Variants in LOC728743 observed in about 807,000 individuals in gnomAD.
the LOC728743 span, chr7:150,400,819 T>C: frequency 6.6e-6 from 1 of 152,266 alleles, no homozygotes; most frequent in East Asian, 1.9e-4. Flanking sequence ...TGTCATTAAG[T>C]CCAAGACAAG....
chr7:150,410,331 G>T, the LOC728743 span: 1 of 396,086 alleles, frequency 2.5e-6, no homozygotes, highest in Non-Finnish European at 4.4e-6. Context: ...GGAGGTGACT[G>T]GTTGGAGCCT....
the LOC728743 span, among the ~76,000 whole-genome samples, chr7:150,409,994 C>T: frequency 1.3e-5 from 2 of 152,150 alleles, no homozygotes; most frequent in Non-Finnish European, 2.9e-5. Flanking sequence ...AAATGGGATT[C>T]GTAATCCTTG....
At chr7:150,401,172 G>A in the LOC728743 span, among the ~76,000 whole-genome samples, 1 of 152,226 alleles carries the variant, frequency 6.6e-6, no homozygotes, top group South Asian at 2.1e-4. Context: ...CATCATCCTT[G>A]TATTTCTTTG....
the LOC728743 span, among the ~76,000 whole-genome samples, chr7:150,401,886 A>G: frequency 6.6e-6 from 1 of 152,228 alleles, no homozygotes; most frequent in South Asian, 2.1e-4. Flanking sequence ...CAGGGATGAT[A>G]GGATGACACT....
the LOC728743 span, chr7:150,408,431 C>T: frequency 2.8e-6 from 1 of 351,418 alleles, no homozygotes; most frequent in Non-Finnish European, 5.1e-6. Flanking sequence ...TGGCTGCGCA[C>T]AGCTGCTTCC....
the LOC728743 span, chr7:150,404,935 C>A: frequency 6.6e-6 from 1 of 152,380 alleles, no homozygotes; most frequent in African/African-American, 2.4e-5. Context: ...CCCATGTCAC[C>A]CGGGGAAAGG....
chr7:150,403,154 A>G, the LOC728743 span, among the ~76,000 whole-genome samples: 2 of 152,034 alleles, frequency 1.3e-5, no homozygotes, highest in Non-Finnish European at 2.9e-5. This position sits in a 1 kb window ranked among gnomAD's most constrained non-coding sequence, Gnocchi z 5.1. Flanking sequence ...TGCTTGCCGC[A>G]GCACCTAAGA....
the LOC728743 span, among the ~76,000 whole-genome samples, chr7:150,406,279 C>T: frequency 6.6e-6 from 1 of 152,246 alleles, no homozygotes; most frequent in East Asian, 1.9e-4. Flanking sequence ...CAGCCGGCTT[C>T]CCTGATGGGG....
chr7:150,405,394 G>C, the LOC728743 span: 1 of 152,218 alleles, frequency 6.6e-6, no homozygotes, highest in African/African-American at 2.4e-5. Context: ...GGACCCTCGG[G>C]GGCGGGTCAC....
the LOC728743 span, among the ~76,000 whole-genome samples, chr7:150,401,419 A>T: frequency 6.6e-6 from 1 of 152,208 alleles, no homozygotes; most frequent in African/African-American, 2.4e-5. Context: ...CCCCTCGTGG[A>T]CTTGGCAGAG....
chr7:150,408,373 G>A, the LOC728743 span: 1 of 362,798 alleles, frequency 2.8e-6, no homozygotes, highest in Non-Finnish European at 4.9e-6. Flanking sequence ...GTGGGCCGCC[G>A]CCAGGCTCCG....
the LOC728743 span, among the ~76,000 whole-genome samples, chr7:150,409,555 A>G: frequency 0.96 from 145,521 of 152,302 alleles, 69,859 homozygotes; most frequent in East Asian, 1. Flanking sequence ...GGGGTACAAC[A>G]GGTGGAAGCC....
chr7:150,407,630 T>G, the LOC728743 span: 5 of 398,822 alleles, frequency 1.3e-5, no homozygotes, highest in Non-Finnish European at 1.8e-5. Flanking sequence ...GCTGGCGTCC[T>G]CCGGGGGCGG....
the LOC728743 span, among the ~76,000 whole-genome samples, chr7:150,409,058 G>C: frequency 6.6e-6 from 1 of 152,012 alleles, no homozygotes; most frequent in Non-Finnish European, 1.5e-5. Flanking sequence ...CGTCACCCAG[G>C]GGAGTTTGAT....
the LOC728743 span, chr7:150,412,382 A>G: frequency 6.6e-6 from 1 of 152,018 alleles, no homozygotes; most frequent in Non-Finnish European, 1.5e-5. Flanking sequence ...GCAGGAGTGC[A>G]CGGAAGTGGT....
chr7:150,405,391 C>A, the LOC728743 span: 1 of 152,186 alleles, frequency 6.6e-6, no homozygotes, highest in African/African-American at 2.4e-5. Flanking sequence ...GCCGGACCCT[C>A]GGGGGCGGGT....
At chr7:150,407,143 CTCA>C in the LOC728743 span, among the ~76,000 whole-genome samples, 6 of 152,180 alleles carry the variant, frequency 3.9e-5, no homozygotes, top group African/African-American at 1.4e-4. Flanking sequence ...CTAACTGAAA[CTCA>C]TCACCATCTG....
At chr7:150,408,016 G>C in the LOC728743 span, 1 of 397,670 alleles carries the variant, frequency 2.5e-6, no homozygotes, top group Non-Finnish European at 4.4e-6. Flanking sequence ...GCTTCCGCGA[G>C]CCGCGCTTCC....
At chr7:150,410,503 G>T in the LOC728743 span, 1 of 306,378 alleles carries the variant, frequency 3.3e-6, no homozygotes, top group Non-Finnish European at 6.0e-6. Context: ...CTCTGCTCCC[G>T]CCTGGTCCAC....
Sources: allele counts gnomAD v4.1 joint callset (sites outside exome capture counted in the v4.1 genomes callset), GRCh38; gene constraint gnomAD v4.1.1; non-coding constraint Gnocchi (gnomAD v3.1); transcripts MANE v1.5.